Variants in INSL6 observed in about 807,000 individuals in gnomAD.
The protein encoded by INSL6 is insulin like 6, also known as insulin-like peptide INSL6.
A neutral mutation model predicts 9.4 loss-of-function variants in INSL6; 16 were observed. That is an observed-to-expected ratio of 1.70 (90% CI 1.15 to 2.59). INSL6 has a LOEUF of 2.59. Among genes scored for constraint, INSL6 ranks in the 30% most tolerant of loss-of-function variants. The pLI, the probability that INSL6 is intolerant of heterozygous loss-of-function variation, is 0.00. For synonymous variants in INSL6, 154 were observed against 96.9 expected, an observed-to-expected ratio of 1.59 and a Z score of -3.46; for missense variants, 391 against 257.3, an observed-to-expected ratio of 1.52 and a Z score of -3.56.
intron 3 of INSL6, chr9:5,126,223 A>G (rs1823984552): frequency 1.5e-6 from 1 of 665,740 alleles, no homozygotes; most frequent in African/African-American, 1.9e-5. Context: ...GTTTGAAAAC[A>G]TACAAAAGCA....
At chr9:5,120,573 C>G (rs1253000127), downstream of INSL6, among the ~76,000 whole-genome samples, 1 of 152,114 alleles carries the variant, frequency 6.6e-6, no homozygotes, top group Non-Finnish European at 1.5e-5. Flanking sequence ...TGTAAAAAAT[C>G]GGTGAAACAG....
chr9:5,160,790 A>G (rs1227107391), downstream of INSL6, among the ~76,000 whole-genome samples: 2 of 152,198 alleles, frequency 1.3e-5, no homozygotes, highest in South Asian at 2.1e-4. Context: ...TAAAAGGATC[A>G]TTAGAGGCTA....
chr9:5,163,956 CT>C lies in INSL6; in HGVS notation c.598del (p.Arg200GlyfsTer2). ...AAGTGATGATCTTTTTTCCTTTAGC[CT>C]TTTAAAATCAATATATGGAAGACAT... is the stretch of plus-strand genomic sequence containing the variant. ...IACLPYIDFK[R>X]LKEKRSSLVT... On this transcript the variant is annotated frameshift_variant, in exon 2 of 2. Transcript: ENST00000381641. LOFTEE classifies it low-confidence loss of function (END_TRUNC). 6.2e-7 allele frequency: 1 copy of C among 1,608,644 alleles called. No homozygotes were observed. Among genetic ancestry groups the C allele is most frequent in the Non-Finnish European group, 8.5e-7 (1 of 1,179,058 alleles).
chr9:5,086,215 G>C, the INSL6 span: 1 of 596,700 alleles, frequency 1.7e-6, no homozygotes. Context: ...ACCAGCGCGA[G>C]GCCACGGTCG....
At chr9:5,105,771 C>A in the INSL6 span, among the ~76,000 whole-genome samples, 12 of 152,138 alleles carry the variant, frequency 7.9e-5, no homozygotes, top group Non-Finnish European at 1.6e-4. Flanking sequence ...CATCTACAAC[C>A]ATCTGATCTT....
At chr9:5,035,242 T>C in the INSL6 span, among the ~76,000 whole-genome samples, 1 of 152,156 alleles carries the variant, frequency 6.6e-6, no homozygotes, top group Non-Finnish European at 1.5e-5. Context: ...CAATAATTAA[T>C]AGTTTACCAA....
chr9:5,104,284 A>G, the INSL6 span, among the ~76,000 whole-genome samples: 2 of 152,220 alleles, frequency 1.3e-5, no homozygotes, highest in Non-Finnish European at 2.9e-5. Context: ...TACTATTAAC[A>G]CCTCTACACA....
the INSL6 span, among the ~76,000 whole-genome samples, chr9:4,996,693 C>A: frequency 6.6e-5 from 10 of 151,798 alleles, no homozygotes; most frequent in Admixed American, 4.6e-4. Context: ...ATTATCCTTG[C>A]CTTCACCCCT....
chr9:5,042,433 G>A, the INSL6 span, among the ~76,000 whole-genome samples: 9 of 152,142 alleles, frequency 5.9e-5, no homozygotes, highest in Admixed American at 4.6e-4. Flanking sequence ...CACCGCGCCC[G>A]GCCAAGACTG....
chr9:5,120,069 G>A (rs182238512), downstream of INSL6, among the ~76,000 whole-genome samples: 158 of 152,322 alleles, frequency 1.0e-3, 1 homozygote, highest in South Asian at 6.2e-3. Flanking sequence ...CACTTCTAGA[G>A]GTTAGGAGTC....
chr9:5,068,643 A>G, the INSL6 span, among the ~76,000 whole-genome samples: 1 of 152,224 alleles, frequency 6.6e-6, no homozygotes, highest in Non-Finnish European at 1.5e-5. Flanking sequence ...CGTAGGTTGT[A>G]TGTTGGCAGT....
At chr9:5,122,980 T>A (rs1472741307), downstream of INSL6, 1 of 1,466,616 alleles carries the variant, frequency 6.8e-7, no homozygotes, top group Non-Finnish European at 9.4e-7. Flanking sequence ...AACTGTCTTT[T>A]AAATGTTATT....
chr9:5,176,447 T>C lies in INSL6; in HGVS notation c.289+8867A>G, dbSNP rs147663537. Among the ~76,000 whole-genome samples, 901 of 152,334 alleles carry C rather than the reference T, an allele frequency of 5.9e-3. 10 individuals are homozygous for C. Among genetic ancestry groups the C allele is most frequent in the African/African-American group, 0.021 (862 of 41,570 alleles). On this transcript the variant is annotated intron_variant, in intron 1 of 1. Coordinates refer to ENST00000381641, the MANE Select transcript of INSL6 (RefSeq NM_007179.3). ...TCTTTGTCTGTTTTGTCCACTGACATATTCCCAAGATTCTAAAATTGTGCC... is the reference window on the plus strand; with the variant it reads ...TCTTTGTCTGTTTTGTCCACTGACACATTCCCAAGATTCTAAAATTGTGCC...
At chr9:5,015,522 T>C in the INSL6 span, among the ~76,000 whole-genome samples, 1 of 140,164 alleles carries the variant, frequency 7.1e-6, no homozygotes, top group Non-Finnish European at 1.5e-5. Context: ...CATTGTATTC[T>C]TTTTCTTTTT....
intron 2 of INSL6, among the ~76,000 whole-genome samples, chr9:5,149,110 C>T (rs952757379): frequency 2.0e-5 from 3 of 152,198 alleles, no homozygotes; most frequent in African/African-American, 7.2e-5. Flanking sequence ...CCATCTCTGT[C>T]GAATCTCTGG....
the INSL6 span, among the ~76,000 whole-genome samples, chr9:5,006,834 A>G: frequency 6.6e-6 from 1 of 152,210 alleles, no homozygotes; most frequent in Non-Finnish European, 1.5e-5. Flanking sequence ...TATCAATTAT[A>G]TATAGAATTA....
At chr9:5,108,713 A>G in the INSL6 span, 2 of 151,942 alleles carry the variant, frequency 1.3e-5, no homozygotes, top group Admixed American at 6.6e-5. Context: ...TCCTCACACT[A>G]TCCCTATGAG....
chr9:5,040,139 A>C, the INSL6 span, among the ~76,000 whole-genome samples: 1 of 152,210 alleles, frequency 6.6e-6, no homozygotes, highest in Non-Finnish European at 1.5e-5. Flanking sequence ...TGACAGTCTC[A>C]ATATAATTTC....
chr9:5,122,895 C>T (rs1823718928), downstream of INSL6: 1 of 677,388 alleles, frequency 1.5e-6, no homozygotes, highest in South Asian at 2.6e-5. Flanking sequence ...GCTGTGATAA[C>T]TCTTTTCTCT....
Sources: gnomAD v4.1 joint callset for allele counts (sites outside exome capture counted in the v4.1 genomes callset) on GRCh38, gnomAD v4.1.1 for gene constraint, MANE v1.5 for transcripts, NCBI Gene and HGNC (gene_info 2026-07-23, HGNC 2026-07-21) for gene names.